The following CDH12 variants were observed in gnomAD, a reference collection of about 807,000 sequenced individuals.
CDH12 encodes the protein cadherin 12, also known as cadherin-12.
A neutral mutation model predicts 74.1 loss-of-function variants in CDH12; 41 were observed. The ratio of observed to expected loss-of-function variants is 0.55; its 90% CI spans 0.43 to 0.72. The LOEUF is 0.72. Ranked by LOEUF, CDH12 falls within the 30% of genes least tolerant of loss-of-function variation. The probability of loss-of-function intolerance (pLI) is 0.00; values close to 1 mark genes in which losing one functional copy is unlikely to be tolerated. For synonymous variants in CDH12, 399 were observed against 355.0 expected, an observed-to-expected ratio of 1.12 and a Z score of -1.39; for missense variants, 945 against 977.2, an observed-to-expected ratio of 0.97 and a Z score of 0.44.
intron 4 of CDH12, among the ~76,000 whole-genome samples, chr5:22,191,384 A>G (rs1750265576): frequency 6.6e-6 from 1 of 152,070 alleles, no homozygotes; most frequent in Non-Finnish European, 1.5e-5. Flanking sequence ...GATACACTGG[A>G]TCGACCCAGT....
chr5:22,431,953 A>G (rs1744189690), intron 2 of CDH12, among the ~76,000 whole-genome samples: 1 of 152,150 alleles, frequency 6.6e-6, no homozygotes, highest in Admixed American at 6.6e-5. Flanking sequence ...AAGAACAAAA[A>G]TATAACTTTG....
intron 3 of CDH12, among the ~76,000 whole-genome samples, chr5:22,313,711 G>A (rs1738487197): frequency 6.6e-6 from 1 of 152,168 alleles, no homozygotes; most frequent in African/African-American, 2.4e-5. Context: ...ATTATGCTAA[G>A]TGGAGTAACA....
At position 22,775,042 on chromosome 5, in the gene CDH12, T is replaced by G. The variant is rs985488840; in HGVS notation, c.-523+78016A>C. Among the ~76,000 whole-genome samples, 13 of 151,154 alleles carry G rather than the reference T, an allele frequency of 8.6e-5. No individual in the cohort carries two copies. The East Asian group carries it at 2.5e-3, about 29-fold the overall frequency. On this transcript the variant is annotated intron_variant, in intron 1 of 14. Transcript: ENST00000382254. ...TATATTTATATAATATCTATATATA[T>G]GTGAAATACATATTTCATATATTAG...
chr5:22,635,151 G>C (rs1738774558), intron 1 of CDH12, among the ~76,000 whole-genome samples: 1 of 152,088 alleles, frequency 6.6e-6, no homozygotes, highest in Non-Finnish European at 1.5e-5. Context: ...AATAGACATA[G>C]AGAACAAAGG....
chr5:22,732,275 A>G (rs959405465), intron 1 of CDH12, among the ~76,000 whole-genome samples: 1 of 151,708 alleles, frequency 6.6e-6, no homozygotes, highest in African/African-American at 2.4e-5. Flanking sequence ...TCCACTTCTT[A>G]TAAGTGTACC....
At chr5:22,547,705 A>C (rs1184502096) in intron 1 of CDH12, among the ~76,000 whole-genome samples, 4 of 152,136 alleles carry the variant, frequency 2.6e-5, no homozygotes, top group African/African-American at 9.7e-5. Context: ...TGTGTTCAAT[A>C]TGTTTTGATA....
chr5:21,785,896 A>T (rs1746171657), intron 10 of CDH12, among the ~76,000 whole-genome samples: 2 of 152,236 alleles, frequency 1.3e-5, no homozygotes, highest in South Asian at 4.1e-4. Context: ...TATACAGAAC[A>T]GCCTTCTATT....
chr5:22,586,513 A>T (rs1038215644), intron 1 of CDH12, among the ~76,000 whole-genome samples: 2 of 150,104 alleles, frequency 1.3e-5, no homozygotes, highest in South Asian at 2.1e-4. Context: ...ATAAATAAAA[A>T]TAAAACTTGA....
At chr5:22,533,221 CAAGG>C (rs1737673103) in intron 1 of CDH12, among the ~76,000 whole-genome samples, 1 of 152,066 alleles carries the variant, frequency 6.6e-6, no homozygotes, top group African/African-American at 2.4e-5. Flanking sequence ...GCACTCCCAG[CAAGG>C]AAGGTCACAA....
chr5:22,423,928 G>A (rs1183987202), intron 2 of CDH12, among the ~76,000 whole-genome samples: 10 of 148,726 alleles, frequency 6.7e-5, no homozygotes, highest in Admixed American at 6.7e-5. Flanking sequence ...GCGTGAACCT[G>A]GGAGGCGGAG....
chr5:22,365,037 C>T lies in CDH12; in HGVS notation c.-333+40220G>A, dbSNP rs182603746. ...TGTAGGCTAACAGTGGAACAGATTC[C>T]CTTTCTTCACTCTAAGCTCACTCGA... On this transcript the variant is annotated intron_variant, in intron 3 of 14. Coordinates refer to ENST00000382254, the MANE Select transcript of CDH12 (RefSeq NM_004061.5). Among the ~76,000 whole-genome samples the T allele has an allele frequency of 2.0e-3, 304 of 152,210 alleles. 1 individual carries two copies. Among genetic ancestry groups the T allele is most frequent in the African/African-American group, 6.7e-3 (279 of 41,552 alleles).
At chr5:22,097,583 C>T (rs1580245511) in intron 4 of CDH12, among the ~76,000 whole-genome samples, 2 of 152,194 alleles carry the variant, frequency 1.3e-5, no homozygotes, top group East Asian at 1.9e-4. Context: ...CCCCACCTGC[C>T]CAGTTCCCTT....
intron 2 of CDH12, among the ~76,000 whole-genome samples, chr5:22,449,183 G>C (rs574647649): frequency 1.1e-3 from 162 of 152,050 alleles, no homozygotes; most frequent in African/African-American, 3.8e-3. Flanking sequence ...CATAAGGCTT[G>C]ATAAGAAATA....
chr5:22,359,825 TGAG>T (rs777538600), intron 3 of CDH12, among the ~76,000 whole-genome samples: 8 of 152,144 alleles, frequency 5.3e-5, no homozygotes, highest in East Asian at 1.9e-4. Context: ...TGCTCCTGAA[TGAG>T]TACTGGGTAC....
In CDH12 at chr5:22,140,185, C is replaced by T. The variant is rs1303205822; in HGVS notation, c.-186-61323G>A. Among the ~76,000 whole-genome samples the T allele has an allele frequency of 2.6e-5, 4 of 151,894 alleles. No individual in the cohort carries two copies. In the East Asian group the frequency reaches 7.7e-4, roughly 29 times the overall value. On this transcript the variant is annotated intron_variant, in intron 4 of 14. Transcript: ENST00000382254. The stretch of plus-strand genomic sequence containing the variant: ...AACAATAGCTCATCATAATTTTTGC[C>T]GAGTGCTATTGTCACATATTACCTT...
intron 5 of CDH12, among the ~76,000 whole-genome samples, chr5:21,982,964 A>C (rs1757373534): frequency 6.6e-6 from 1 of 152,078 alleles, no homozygotes; most frequent in African/African-American, 2.4e-5. Context: ...TCTGACATCA[A>C]ATCTTTTCAC....
At chr5:22,630,536 C>T (rs534380239) in intron 1 of CDH12, among the ~76,000 whole-genome samples, 2 of 152,170 alleles carry the variant, frequency 1.3e-5, no homozygotes, top group African/African-American at 2.4e-5. Context: ...AAACAAGCAA[C>T]GGTGAAAGAA....
At chr5:22,749,693 T>TTCACA (rs59019499) in intron 1 of CDH12, among the ~76,000 whole-genome samples, 1 of 152,174 alleles carries the variant, frequency 6.6e-6, no homozygotes, top group East Asian at 1.9e-4. Flanking sequence ...GAACACAGAG[T>TTCACA]GATTGCTTCA....
chr5:22,211,412 C>T (rs1224586991), intron 4 of CDH12, among the ~76,000 whole-genome samples: 1 of 152,004 alleles, frequency 6.6e-6, no homozygotes, highest in African/African-American at 2.4e-5. Context: ...TAAGTGATTG[C>T]TATTCTTCAG....
Sources: allele counts gnomAD v4.1 joint callset (sites outside exome capture counted in the v4.1 genomes callset), GRCh38; gene constraint gnomAD v4.1.1; transcripts MANE v1.5; gene names NCBI Gene and HGNC (gene_info 2026-07-23, HGNC 2026-07-21).